MACROD2: variants seen among roughly 807,000 people sequenced by gnomAD.
The protein encoded by MACROD2 is ADP-ribose glycohydrolase MACROD2.
In MACROD2, 36 loss-of-function variants were observed where a neutral mutation model predicts 70.4. The observed-to-expected ratio is 0.51, with a 90% CI of 0.39 to 0.68. MACROD2 has a LOEUF of 0.68. Among genes scored for constraint, MACROD2 ranks in the 30% least tolerant of loss-of-function variants. MACROD2 has a pLI of 0.00. For synonymous variants in MACROD2, 172 were observed against 178.8 expected (o/e 0.96, Z 0.30); for missense variants, 496 against 538.4 (o/e 0.92, Z 0.78).
At chr20:15,522,038 G>T (rs188321414) in intron 8 of MACROD2, among the ~76,000 whole-genome samples, 1 of 152,314 alleles carries the variant, frequency 6.6e-6, no homozygotes, top group East Asian at 1.9e-4. Context: ...CTATTAGTTT[G>T]CCCATCTTTG....
intron 8 of MACROD2, among the ~76,000 whole-genome samples, chr20:15,564,450 G>A (rs183497134): frequency 3.3e-5 from 5 of 152,260 alleles, no homozygotes; most frequent in Non-Finnish European, 7.4e-5. Context: ...AGTTGAAAAT[G>A]TATTTTCATG....
At chr20:15,421,142 C>T (rs188010352) in intron 6 of MACROD2, among the ~76,000 whole-genome samples, 1 of 152,218 alleles carries the variant, frequency 6.6e-6, no homozygotes, top group Non-Finnish European at 1.5e-5. Context: ...TTTTGGGAGG[C>T]TGAGACAGGC....
At chr20:14,362,297 C>G (rs1320087723) in intron 3 of MACROD2, among the ~76,000 whole-genome samples, 2 of 152,144 alleles carry the variant, frequency 1.3e-5, no homozygotes, top group Admixed American at 6.5e-5. Context: ...GATGAGAAAA[C>G]AGAGGCACAG....
At chr20:14,107,440 G>T (rs2148682761) in intron 3 of MACROD2, among the ~76,000 whole-genome samples, 1 of 152,220 alleles carries the variant, frequency 6.6e-6, no homozygotes, top group African/African-American at 2.4e-5. Context: ...AAGAGTATTG[G>T]CCATGAAGAG....
chr20:14,315,617 T>G (rs561447171), intron 3 of MACROD2, among the ~76,000 whole-genome samples: 1 of 152,206 alleles, frequency 6.6e-6, no homozygotes, highest in Non-Finnish European at 1.5e-5. Flanking sequence ...TTAACTCTTA[T>G]ATGGTAAGCA....
chr20:14,782,342 G>C (rs991071679), intron 5 of MACROD2, among the ~76,000 whole-genome samples: 4 of 151,998 alleles, frequency 2.6e-5, no homozygotes, highest in African/African-American at 9.7e-5. Flanking sequence ...ATGCTCCCTA[G>C]GGCCTTAACT....
intron 3 of MACROD2, among the ~76,000 whole-genome samples, chr20:14,391,783 A>G (rs1446316316): frequency 6.8e-6 from 1 of 146,222 alleles, no homozygotes; most frequent in African/African-American, 2.6e-5. Flanking sequence ...ACTTATGGAC[A>G]TAAAGATGGC....
intron 5 of MACROD2, among the ~76,000 whole-genome samples, chr20:15,213,807 T>A (rs1386225422): frequency 6.6e-6 from 1 of 152,182 alleles, no homozygotes; most frequent in African/African-American, 2.4e-5. Flanking sequence ...AAAGCCACAT[T>A]TATCAGAAGC....
At chr20:14,149,836 A>C (rs1313271469) in intron 3 of MACROD2, among the ~76,000 whole-genome samples, 1 of 152,144 alleles carries the variant, frequency 6.6e-6, no homozygotes, top group Non-Finnish European at 1.5e-5. Context: ...CCTGGTTCAC[A>C]GTGTTTTTCT....
intron 5 of MACROD2, among the ~76,000 whole-genome samples, chr20:14,961,443 G>A (rs1403857762): frequency 6.6e-6 from 1 of 152,120 alleles, no homozygotes; most frequent in Non-Finnish European, 1.5e-5. Context: ...ATACCACGCT[G>A]TTCCTCAAAT....
At chr20:15,937,224 A>G (rs182931428) in intron 11 of MACROD2, among the ~76,000 whole-genome samples, 1 of 152,340 alleles carries the variant, frequency 6.6e-6, no homozygotes, top group East Asian at 1.9e-4. Flanking sequence ...ACTACTAGCA[A>G]CAAGTGGCAT....
intron 4 of MACROD2, among the ~76,000 whole-genome samples, chr20:14,625,259 A>G (rs1984075641): frequency 6.6e-6 from 1 of 152,052 alleles, no homozygotes; most frequent in East Asian, 1.9e-4. Context: ...CCCAGGAGGT[A>G]GAGGTTGCAG....
intron 8 of MACROD2, among the ~76,000 whole-genome samples, chr20:15,842,712 G>GGATGGATAGATA (rs1555786006): frequency 3.5e-5 from 5 of 141,584 alleles, no homozygotes; most frequent in East Asian, 2.1e-4. Context: ...GTGGGTGGAT[G>GGATGGATAGATA]GATAGATAGA....
chr20:14,376,266 T>C lies in MACROD2; in HGVS notation c.272-117213T>C, dbSNP rs1171959353. ...CTTCCTATGCCTTTTTATTTAAATT[T>C]TTTCAATTTACACCTTTACACTTTT... On this transcript the variant is annotated intron_variant, in intron 3 of 17. Coordinates refer to ENST00000684519, the MANE Select transcript of MACROD2 (RefSeq NM_001351661.2). Among the ~76,000 whole-genome samples, 4 of 152,334 alleles carry C rather than the reference T, an allele frequency of 2.6e-5. No individual in the cohort carries two copies. The South Asian group carries it at 6.2e-4, about 24-fold the overall frequency.
At chr20:14,841,403 G>A (rs425754) in intron 5 of MACROD2, among the ~76,000 whole-genome samples, 37,099 of 152,022 alleles carry the variant, frequency 0.24, 4,742 homozygotes, top group Middle Eastern at 0.34. Flanking sequence ...AAACCCCACC[G>A]TCTTCACTGT....
intron 12 of MACROD2, among the ~76,000 whole-genome samples, chr20:15,951,616 CAATGA>C (rs1191552009): frequency 3.9e-5 from 6 of 152,126 alleles, no homozygotes; most frequent in African/African-American, 1.4e-4. Flanking sequence ...GCACAAGGGG[CAATGA>C]CACTCACATA....
At chr20:15,143,962 C>G (rs1255723053) in intron 5 of MACROD2, among the ~76,000 whole-genome samples, 2 of 97,352 alleles carry the variant, frequency 2.1e-5, no homozygotes, top group Admixed American at 1.0e-4. Flanking sequence ...AAAAAAATCG[C>G]AAAAAAAAAA....
intron 5 of MACROD2, among the ~76,000 whole-genome samples, chr20:14,970,266 C>A (rs2074678536): frequency 6.6e-6 from 1 of 152,080 alleles, no homozygotes; most frequent in Non-Finnish European, 1.5e-5. Flanking sequence ...ATGGGAACTA[C>A]AGTTCAAGAT....
chr20:14,920,787 A>G (rs2074153269), intron 5 of MACROD2, among the ~76,000 whole-genome samples: 1 of 152,212 alleles, frequency 6.6e-6, no homozygotes, highest in Non-Finnish European at 1.5e-5. Flanking sequence ...GAGATTAATA[A>G]AAATAGAAGG....
Sources: gnomAD v4.1 joint callset for allele counts (sites outside exome capture counted in the v4.1 genomes callset) on GRCh38, gnomAD v4.1.1 for gene constraint, MANE v1.5 for transcripts, NCBI Gene and HGNC (gene_info 2026-07-23, HGNC 2026-07-21) for gene names.